The following ERC2 variants were observed in gnomAD, a reference collection of about 807,000 sequenced individuals.
ERC2 encodes ERC protein 2.
Under a neutral mutation model 114.8 loss-of-function variants are expected in ERC2, and 42 were observed. The ratio of observed to expected loss-of-function variants is 0.37; its 90% CI spans 0.29 to 0.47. The LOEUF (loss-of-function observed/expected upper bound fraction) is 0.47. Ranked by LOEUF, ERC2 falls within the 20% of genes least tolerant of loss-of-function variation. The pLI is 0.99. For synonymous variants in ERC2, 454 were observed against 425.5 expected, an observed-to-expected ratio of 1.07 and a Z score of -0.82; for missense variants, 939 against 1,150.7, an observed-to-expected ratio of 0.82 and a Z score of 2.66.
At position 55,535,930 on chromosome 3, in the gene ERC2, C is replaced by T. The variant is rs577768530; in HGVS notation, c.*40-24654G>A. On this transcript the variant is annotated intron_variant, in intron 17 of 17. Transcript: ENST00000288221. ...GGGAGAATTGCTTGAACCTGGGAGG[C>T]GGAGGTTGCAGTGAGCCGAGATCAC... 4.7e-5 allele frequency among the ~76,000 whole-genome samples: 7 copies of T among 150,342 alleles called. No individual in the cohort carries two copies. The South Asian group carries it at 6.4e-4, about 14-fold the overall frequency.
intron 1 of ERC2, among the ~76,000 whole-genome samples, chr3:56,440,845 T>A (rs2062268038): frequency 6.6e-6 from 1 of 152,214 alleles, no homozygotes; most frequent in Admixed American, 6.5e-5. Flanking sequence ...CCACTTAACA[T>A]AGATGCCACA....
chr3:56,300,813 C>T (rs1178581131), intron 2 of ERC2, among the ~76,000 whole-genome samples: 1 of 152,188 alleles, frequency 6.6e-6, no homozygotes, highest in African/African-American at 2.4e-5. Flanking sequence ...GACCCCAATG[C>T]CCCTGTTCAA....
intron 16 of ERC2, among the ~76,000 whole-genome samples, chr3:55,693,187 G>A (rs1048557429): frequency 2.0e-5 from 3 of 152,158 alleles, no homozygotes; most frequent in African/African-American, 7.2e-5. Flanking sequence ...TTTAGGATTA[G>A]GGCAATCAAT....
At position 55,997,253 on chromosome 3, in the gene ERC2, A is replaced by G. The variant is rs576755520; in HGVS notation, c.2062-5003T>C. ...TTCTTCCCTGCTGTTTCTGGGTTTT[A>G]GCAATAATTTGCTAAATTTAGGCAG... On this transcript the variant is annotated intron_variant, in intron 10 of 17. Transcript: ENST00000288221. 1.7e-3 allele frequency among the ~76,000 whole-genome samples: 253 copies of G among 150,596 alleles called. 1 individual carries two copies. Among genetic ancestry groups the G allele is most frequent in the African/African-American group, 5.6e-3 (229 of 40,952 alleles).
chr3:56,322,442 A>C (rs531543853), intron 2 of ERC2, among the ~76,000 whole-genome samples: 2 of 152,192 alleles, frequency 1.3e-5, no homozygotes, highest in South Asian at 4.1e-4. Flanking sequence ...AATAGAACTC[A>C]GAGGTGAGGT....
At position 56,173,427 on chromosome 3, in the gene ERC2, A is replaced by T. The variant is rs763260828; in HGVS notation, c.1149+19T>A. The T allele has an allele frequency of 3.7e-6, 6 of 1,611,154 alleles. No homozygotes were observed. The African/African-American group carries it at 8.0e-5, about 22-fold the overall frequency. On this transcript the variant is annotated intron_variant, in intron 4 of 17. Transcript: ENST00000288221. ...CTCCCAAGGCATAACTGTTTCTGACAAAAGTGCACAGTTCCTACCTTCATT... is the reference window on the plus strand; with the variant it reads ...CTCCCAAGGCATAACTGTTTCTGACTAAAGTGCACAGTTCCTACCTTCATT...
chr3:56,310,419 T>C (rs527811773), intron 2 of ERC2, among the ~76,000 whole-genome samples: 1 of 152,340 alleles, frequency 6.6e-6, no homozygotes, highest in Non-Finnish European at 1.5e-5. Context: ...TTTCCTTCCC[T>C]GTCACTTCCT....
chr3:55,735,922 T>C (rs1231128187), intron 14 of ERC2, among the ~76,000 whole-genome samples: 3 of 152,198 alleles, frequency 2.0e-5, no homozygotes, highest in Admixed American at 2.0e-4. Flanking sequence ...ATCCACTAAG[T>C]AGTGCAAACC....
chr3:55,705,407 T>C (rs815436), intron 15 of ERC2, among the ~76,000 whole-genome samples: 81,185 of 151,994 alleles, frequency 0.53, 22,784 homozygotes, highest in South Asian at 0.73. Flanking sequence ...TGTGTGTATG[T>C]GTGCGGGCTT....
At chr3:55,655,318 G>T (rs2060809782) in intron 17 of ERC2, among the ~76,000 whole-genome samples, 1 of 152,146 alleles carries the variant, frequency 6.6e-6, no homozygotes, top group African/African-American at 2.4e-5. Context: ...ACAAAGAAGA[G>T]TCTGCTTCCA....
chr3:55,828,217 C>T (rs551571570), intron 14 of ERC2, among the ~76,000 whole-genome samples: 3 of 152,246 alleles, frequency 2.0e-5, no homozygotes, highest in Non-Finnish European at 2.9e-5. Context: ...TGGCCCACCA[C>T]AGACCAGCTC....
rs148413998 is a variant in ERC2 at position 56,252,440 on chromosome 3, G to A, written c.1074+43579C>T. On this transcript the variant is annotated intron_variant, in intron 3 of 17. Transcript: ENST00000288221. ...TGGACATCAAAAACCAAAGTATTAC[G>A]CATAAAATAATAGCTTTAACAGGGG... 2.5e-3 allele frequency among the ~76,000 whole-genome samples: 378 copies of A among 152,118 alleles called. 3 individuals carry two copies. Among genetic ancestry groups the A allele is most frequent in the African/African-American group, 8.7e-3 (361 of 41,500 alleles).
At chr3:55,673,737 C>T (rs527783146) in intron 17 of ERC2, among the ~76,000 whole-genome samples, 9 of 151,948 alleles carry the variant, frequency 5.9e-5, no homozygotes, top group Non-Finnish European at 1.2e-4. Flanking sequence ...GCCAGAGTCC[C>T]ACACACTGAA....
chr3:56,435,829 A>G (rs2061993194), intron 1 of ERC2, among the ~76,000 whole-genome samples: 1 of 152,238 alleles, frequency 6.6e-6, no homozygotes, highest in South Asian at 2.1e-4. Context: ...ACACATAGCC[A>G]GATCCTCAAT....
intron 4 of ERC2, among the ~76,000 whole-genome samples, chr3:56,158,206 G>T (rs1159881713): frequency 6.6e-6 from 1 of 152,220 alleles, no homozygotes; most frequent in Non-Finnish European, 1.5e-5. Flanking sequence ...TCATTTGTCA[G>T]ATAAGAAGAG....
chr3:55,554,617 G>A (rs1196420082), intron 17 of ERC2, among the ~76,000 whole-genome samples: 2 of 152,174 alleles, frequency 1.3e-5, no homozygotes, highest in Non-Finnish European at 2.9e-5. Flanking sequence ...TTCAGAAACA[G>A]CTTCAAAACC....
intron 14 of ERC2, among the ~76,000 whole-genome samples, chr3:55,854,000 C>T (rs565038308): frequency 1.1e-4 from 17 of 152,266 alleles, no homozygotes; most frequent in African/African-American, 3.9e-4. Flanking sequence ...GCAGGCCCAG[C>T]GCGGCGGCTC....
chr3:55,831,267 G>C (rs1033754822), intron 14 of ERC2, among the ~76,000 whole-genome samples: 2 of 149,008 alleles, frequency 1.3e-5, no homozygotes, highest in East Asian at 4.0e-4. Context: ...AGTTGTGATG[G>C]TGCCACTGTA....
At chr3:55,831,431 A>G (rs1481981892) in intron 14 of ERC2, among the ~76,000 whole-genome samples, 4 of 51,614 alleles carry the variant, frequency 7.7e-5, no homozygotes, top group African/African-American at 1.7e-4. Flanking sequence ...AGGGAAGGGA[A>G]GGGAGGGAAG....
Sources: allele counts gnomAD v4.1 joint callset (sites outside exome capture counted in the v4.1 genomes callset), GRCh38; gene constraint gnomAD v4.1.1; transcripts MANE v1.5; gene names NCBI Gene and HGNC (gene_info 2026-07-23, HGNC 2026-07-21).